Variants in CYP4A11 observed in about 807,000 individuals in gnomAD.
CYP4A11 encodes cytochrome P450 4A11.
A neutral mutation model predicts 57.7 loss-of-function variants in CYP4A11; 52 were observed. The observed-to-expected ratio is 0.90, with a 90% CI of 0.72 to 1.14. The LOEUF (loss-of-function observed/expected upper bound fraction) is 1.14. CYP4A11 is among the 50% of genes most tolerant of loss of function. The pLI, the probability that CYP4A11 is intolerant of heterozygous loss-of-function variation, is 0.00. For missense variants in CYP4A11, 641 were observed against 642.1 expected (o/e 1.00, Z 0.02); for synonymous variants, 228 against 247.1 (o/e 0.92, Z 0.72).
Position 46,935,025 on chromosome 1 carries a change from G to A in CYP4A11, c.765C>T (p.Ala255=), listed in dbSNP as rs1681290689. 2 of 1,613,990 alleles carry A rather than the reference G, an allele frequency of 1.2e-6. No individual in the cohort carries two copies. The highest frequency in any genetic ancestry group is 1.7e-5 in the Admixed American group (1 of 59,996). The change falls in exon 6 of 12, where the codon GCC becomes GCT. Residue 255 remains alanine, a synonymous_variant. Transcript: ENST00000310638. ...CTGTGTGCTGATGGGCCAGCTGGCAGGCGCGGTGTGTCCAGCGGCCAGCAG... is the reference window on the plus strand; with the variant it reads ...CTGTGTGCTGATGGGCCAGCTGGCAAGCGCGGTGTGTCCAGCGGCCAGCAG... ...LTSAGRWTHR[A]CQLAHQHTDQ...
At chr1:46,930,407 T>G in intron 11 of CYP4A11, 97 bp from the exon 12 acceptor site, 1 of 1,372,684 alleles carries the variant, frequency 7.3e-7, no homozygotes, top group Non-Finnish European at 1.0e-6. Context: ...AGCTGGACAT[T>G]CAGTGCCCAA....
rs1396198469 is a variant in CYP4A11, at chr1:46,937,290, T to C, written c.382+12A>G. ...CTAGGGAGTGGGCTGCAGTCCTAGT[T>C]TGCACACATACCAATCCATGGAGCC... On this transcript the variant is annotated intron_variant, in intron 3 of 11. Coordinates refer to ENST00000310638, the MANE Select transcript of CYP4A11 (RefSeq NM_000778.4). 3.7e-6 allele frequency: 6 copies of C among 1,613,870 alleles called. No homozygotes were observed. Among genetic ancestry groups the C allele is most frequent in the Non-Finnish European group, 4.2e-6 (5 of 1,179,916 alleles).
chr1:46,935,778 C>T (rs1681351425), intron 4 of CYP4A11, 131 bp from the exon 5 acceptor site: 2 of 1,518,770 alleles, frequency 1.3e-6, no homozygotes, highest in Non-Finnish European at 1.8e-6. Context: ...TGGGATTCCT[C>T]ACTTTACAGA....
intron 11 of CYP4A11, chr1:46,931,668 G>T (rs1387425109): frequency 8.9e-6 from 6 of 677,426 alleles, no homozygotes; most frequent in Middle Eastern, 7.5e-4. Context: ...TGTTTAGGAG[G>T]ACTTTCTCAT....
intron 10 of CYP4A11, 34 bp downstream of exon 10, chr1:46,932,949 A>T (rs2148453867): frequency 1.2e-6 from 2 of 1,614,134 alleles, no homozygotes; most frequent in South Asian, 1.1e-5. Context: ...GTCTTGAGGG[A>T]TCACCTCATT....
rs756378325 is a variant in CYP4A11, at chr1:46,935,666, T to A, written c.511-19A>T. 1.0e-5 allele frequency: 16 copies of A among 1,603,104 alleles called. No individual in the cohort carries two copies. Among genetic ancestry groups the A allele is most frequent in the Non-Finnish European group, 1.3e-5 (15 of 1,174,666 alleles). On this transcript the variant is annotated intron_variant, in intron 4 of 11. Coordinates refer to ENST00000310638, the MANE Select transcript of CYP4A11 (RefSeq NM_000778.4). The stretch of plus-strand genomic sequence containing the variant: ...ATTTGTCCTGTGGTGGGAGGGGGCA[T>A]GGACCTTCTTAATCTCCAAGAAGTG...
chr1:46,931,523 A>G, intron 11 of CYP4A11: 1 of 799,612 alleles, frequency 1.3e-6, no homozygotes, highest in Non-Finnish European at 1.5e-6. Flanking sequence ...ATACTTCTAT[A>G]TTTGAATGAT....
At chr1:46,938,277 A>G (rs1474666693) in intron 1 of CYP4A11, 140 bp from the exon 2 acceptor site, 10 of 1,260,934 alleles carry the variant, frequency 7.9e-6, no homozygotes, top group Non-Finnish European at 1.1e-5. Context: ...GCTGTGATCC[A>G]GATTCTTGCT....
At position 46,934,346 on chromosome 1, in the gene CYP4A11, C is replaced by T. The variant is rs148595946; in HGVS notation, c.918G>A (p.Leu306=). 2 of 1,590,790 alleles carry T rather than the reference C, an allele frequency of 1.3e-6. No homozygotes were observed. Among genetic ancestry groups the T allele is most frequent in the Non-Finnish European group, 1.7e-6 (2 of 1,166,660 alleles). The change falls in exon 8 of 12, where the codon TTG becomes TTA. Residue 306 remains leucine, a synonymous_variant. Coordinates refer to ENST00000310638, the MANE Select transcript of CYP4A11 (RefSeq NM_000778.4). ...CCTCAGCACGGAGGTCCTTGTCTGA[C>T]AAGATGCTCCCATTCTCCATCTGGG... ...LLAKMENGSI[L]SDKDLRAEVD... is the part of the protein sequence containing the mutation.
chr1:46,941,383 T>A lies in CYP4A11; in HGVS notation c.51A>T (p.Gly17=), dbSNP rs780817160. 1 of 1,612,948 alleles carries A rather than the reference T, an allele frequency of 6.2e-7. No individual in the cohort carries two copies. Among genetic ancestry groups the A allele is most frequent in the Non-Finnish European group, 8.5e-7 (1 of 1,180,014 alleles). ...TGAGCAGGGAGGCCGCTTGGAGGAT[T>A]CCAGAGACATCACCCAGGAGTCTGC... ...SPSRLLGDVS[G]ILQAASLLIL... Residue 17 remains glycine (G), a synonymous_variant, in exon 1 of 12, where the codon GGA becomes GGT. Transcript: ENST00000310638.
In CYP4A11 at chr1:46,930,806, G is replaced by T. The variant is rs190445582; in HGVS notation, c.1365-496C>A. On this transcript the variant is annotated intron_variant, in intron 11 of 11. Transcript: ENST00000310638. Reference sequence around the variant, plus strand: ...TGGGTGTATTAAGGGAGTCAGAAGGGCAGTGGGAGGCTTCCTGGAGGAGAA... The same window carrying T: ...TGGGTGTATTAAGGGAGTCAGAAGGTCAGTGGGAGGCTTCCTGGAGGAGAA... Among the ~76,000 whole-genome samples, 5 of 152,236 alleles carry T rather than the reference G, an allele frequency of 3.3e-5. No individual in the cohort carries two copies. In the East Asian group the frequency reaches 9.7e-4, roughly 29 times the overall value.
chr1:46,935,052 G>T lies in CYP4A11; in HGVS notation c.738C>A (p.Thr246=). The change falls in exon 6 of 12, where the codon ACC becomes ACA. Residue 246 remains threonine, a synonymous_variant. Coordinates refer to ENST00000310638, the MANE Select transcript of CYP4A11 (RefSeq NM_000778.4). The part of the protein sequence containing the change: ...FHQNDTIYSL[T]SAGRWTHRAC... Reference sequence around the variant, plus strand: ...CGCGGTGTGTCCAGCGGCCAGCAGAGGTCAGGCTGTAGATGGTGTCATTCT... The same window carrying T: ...CGCGGTGTGTCCAGCGGCCAGCAGATGTCAGGCTGTAGATGGTGTCATTCT... 6.2e-7 allele frequency: 1 copy of T among 1,614,202 alleles called. No homozygotes were observed. The highest frequency in any genetic ancestry group is 8.5e-7 in the Non-Finnish European group (1 of 1,180,040).
At chr1:46,930,844 T>G (rs1222692110) in intron 11 of CYP4A11, among the ~76,000 whole-genome samples, 1 of 151,976 alleles carries the variant, frequency 6.6e-6, no homozygotes, top group Non-Finnish European at 1.5e-5. Flanking sequence ...GGGTGGGTGA[T>G]CCTCAGTGTT....
At position 46,941,322 on chromosome 1, in the gene CYP4A11, A is replaced by T. The variant is rs771237083; in HGVS notation, c.112T>A (p.Tyr38Asn). 1.9e-5 allele frequency: 31 copies of T among 1,614,206 alleles called. No individual in the cohort carries two copies. Among genetic ancestry groups the T allele is most frequent in the Non-Finnish European group, 2.5e-5 (30 of 1,180,034 alleles). The change falls in exon 1 of 12, where the codon TAC becomes AAC. Residue 38 changes from tyrosine to asparagine, a missense_variant. By Grantham distance (143) the Tyr-to-Asn change is moderately radical. Transcript: ENST00000310638. ...LLLLIKAVQL[Y>N]LHRQWLLKAL... is the part of the protein sequence containing the mutation. The stretch of plus-strand genomic sequence containing the variant: ...TTGAGCAGCCACTGCCTGTGCAGGT[A>T]GAGCTGAACTGCCTTGATCAGCAGC...
chr1:46,933,598 A>G (rs530795486), intron 9 of CYP4A11, among the ~76,000 whole-genome samples: 14 of 152,174 alleles, frequency 9.2e-5, no homozygotes, highest in South Asian at 2.1e-4. Context: ...CAGGAAATGA[A>G]ATTCCTGATA....
At position 46,930,084 on chromosome 1, in the gene CYP4A11, G is replaced by C. The variant is rs760231988; in HGVS notation, c.*31C>G. 1 of 1,587,682 alleles carries C rather than the reference G, an allele frequency of 6.3e-7. No homozygotes were observed. Among genetic ancestry groups the C allele is most frequent in the East Asian group, 2.3e-5 (1 of 44,414 alleles). ...AGACAGGAAGGGGACAGAAGCGGGG[G>C]TCAGGAAGACAGGACGGCAGGTGGA... is the stretch of plus-strand genomic sequence containing the variant. On this transcript the variant is annotated 3_prime_UTR_variant, in exon 12 of 12. Transcript: ENST00000310638.
intron 10 of CYP4A11, 50 bp downstream of exon 10, chr1:46,932,933 G>T (rs1557549278): frequency 1.2e-6 from 2 of 1,614,132 alleles, no homozygotes; most frequent in East Asian, 4.5e-5. Context: ...GCAGGAGAAG[G>T]TATTGGTCTT....
chr1:46,932,532 T>G, intron 11 of CYP4A11: 1 of 1,412,996 alleles, frequency 7.1e-7, no homozygotes, highest in Non-Finnish European at 9.2e-7. Context: ...GAATTCAGGC[T>G]GCCCATTTGA....
At chr1:46,940,204 C>G (rs533335318) in intron 1 of CYP4A11, among the ~76,000 whole-genome samples, 2 of 152,214 alleles carry the variant, frequency 1.3e-5, no homozygotes, top group African/African-American at 2.4e-5. Context: ...TTTGGCTTTC[C>G]TAGGCCACAT....
Sources: gnomAD v4.1 joint callset for allele counts (sites outside exome capture counted in the v4.1 genomes callset) on GRCh38, gnomAD v4.1.1 for gene constraint, MANE v1.5 for transcripts, NCBI Gene and HGNC (gene_info 2026-07-23, HGNC 2026-07-21) for gene names.